The following RERE variants were observed in gnomAD, a reference collection of about 807,000 sequenced individuals.
RERE encodes arginine-glutamic acid dipeptide repeats protein.
In RERE, 40 loss-of-function variants were observed where a neutral mutation model predicts 146.1. That is an observed-to-expected ratio of 0.27 (90% CI 0.21 to 0.36). The LOEUF is 0.36. Among genes scored for constraint, RERE ranks in the 10% least tolerant of loss-of-function variants. The probability of loss-of-function intolerance (pLI) is 1.00; values close to 1 mark genes in which losing one functional copy is unlikely to be tolerated. For synonymous variants in RERE, 1,003 were observed against 866.0 expected (o/e 1.16, Z -2.78); for missense variants, 1,933 against 2,138.7 (o/e 0.90, Z 1.90).
At chr1:8,496,127 C>T (rs1168346632) in intron 9 of RERE, among the ~76,000 whole-genome samples, 1 of 146,132 alleles carries the variant, frequency 6.8e-6, no homozygotes, top group Non-Finnish European at 1.5e-5. Flanking sequence ...TATGCCACTG[C>T]ACTCCAGTGT....
At chr1:8,785,428 C>A (rs969651093) in intron 1 of RERE, among the ~76,000 whole-genome samples, 2 of 152,178 alleles carry the variant, frequency 1.3e-5, no homozygotes, top group Admixed American at 6.5e-5. Context: ...AATCAATGAC[C>A]ATTACAGAGG....
In RERE at chr1:8,396,330, A is replaced by C. The variant is rs561726912; in HGVS notation, c.1284+26397T>G. Among the ~76,000 whole-genome samples, 8 of 152,324 alleles carry C rather than the reference A, an allele frequency of 5.3e-5. No individual in the cohort carries two copies. The South Asian group carries it at 1.2e-3, about 24-fold the overall frequency. ...GATCAAGTTGAAGAACGTGACATGG[A>C]CATAATGTGAAGTACATGAAAACTC... On this transcript the variant is annotated intron_variant, in intron 12 of 22. Coordinates refer to ENST00000400908, the MANE Select transcript of RERE (RefSeq NM_001042681.2).
At chr1:8,588,342 C>A (rs138835223) in intron 4 of RERE, among the ~76,000 whole-genome samples, 2 of 152,144 alleles carry the variant, frequency 1.3e-5, no homozygotes, top group Non-Finnish European at 1.5e-5. Context: ...TTCAGAAACA[C>A]GTCTGACTTT....
At chr1:8,691,384 C>G (rs1356663357) in intron 1 of RERE, among the ~76,000 whole-genome samples, 1 of 152,076 alleles carries the variant, frequency 6.6e-6, no homozygotes, top group African/African-American at 2.4e-5. Context: ...GCCTTGGGAA[C>G]CCCTTTATAA....
intron 4 of RERE, among the ~76,000 whole-genome samples, chr1:8,609,852 C>T (rs79192164): frequency 0.03 from 4,522 of 152,180 alleles, 204 homozygotes; most frequent in African/African-American, 0.1. Flanking sequence ...CTATTAACAC[C>T]GGTTTGACTG....
chr1:8,655,950 G>C (rs1444432174), intron 2 of RERE, 23 bp downstream of exon 2: 4 of 1,605,456 alleles, frequency 2.5e-6, no homozygotes, highest in Non-Finnish European at 8.5e-7. Context: ...ACATTGGCAA[G>C]ACCCAAACGT....
At chr1:8,743,426 A>ATT (rs35763675) in intron 1 of RERE, among the ~76,000 whole-genome samples, 19 of 122,940 alleles carry the variant, frequency 1.5e-4, no homozygotes, top group South Asian at 5.6e-4. Flanking sequence ...CTACAGGCTA[A>ATT]TTTTTTTTTT....
At chr1:8,763,940 A>G (rs74792050) in intron 1 of RERE, among the ~76,000 whole-genome samples, 1 of 35,702 alleles carries the variant, frequency 2.8e-5, no homozygotes, top group African/African-American at 6.2e-5. Flanking sequence ...ACTCCGTCTA[A>G]AAAAAAAAAA....
At chr1:8,462,372 C>A (rs1324318073) in intron 11 of RERE, among the ~76,000 whole-genome samples, 4 of 152,186 alleles carry the variant, frequency 2.6e-5, no homozygotes, top group Non-Finnish European at 5.9e-5. Flanking sequence ...CAGAAGTCAG[C>A]ACGAGGAGGC....
chr1:8,691,591 C>T (rs776504278), intron 1 of RERE, among the ~76,000 whole-genome samples: 4 of 152,120 alleles, frequency 2.6e-5, no homozygotes, highest in Non-Finnish European at 5.9e-5. Context: ...CTACATAAAC[C>T]ATCTGCAATT....
intron 11 of RERE, among the ~76,000 whole-genome samples, chr1:8,443,361 C>T (rs1320936194): frequency 6.8e-6 from 1 of 146,356 alleles, no homozygotes; most frequent in Non-Finnish European, 1.5e-5. Flanking sequence ...ACCTGGGAGG[C>T]TGAGGCAGGA....
At chr1:8,421,492 T>A (rs552465855) in intron 12 of RERE, among the ~76,000 whole-genome samples, 69 of 152,334 alleles carry the variant, frequency 4.5e-4, no homozygotes, top group African/African-American at 1.6e-3. Context: ...ATTCTCAATA[T>A]GATCCATCCT....
chr1:8,795,989 AAAAAAAAAAC>A (rs1318355228), intron 1 of RERE, among the ~76,000 whole-genome samples: 3 of 150,674 alleles, frequency 2.0e-5, no homozygotes, highest in African/African-American at 7.3e-5. Flanking sequence ...TCTCAAAAAA[AAAAAAAAAAC>A]AAAACAAAAC....
chr1:8,673,223 G>A (rs2124378215), intron 1 of RERE, among the ~76,000 whole-genome samples: 1 of 152,296 alleles, frequency 6.6e-6, no homozygotes, highest in East Asian at 1.9e-4. Flanking sequence ...AGCCTATCAA[G>A]TAGCTGGGAT....
At chr1:8,599,649 GCCA>G (rs1326113908) in intron 4 of RERE, among the ~76,000 whole-genome samples, 1 of 152,106 alleles carries the variant, frequency 6.6e-6, no homozygotes, top group African/African-American at 2.4e-5. Context: ...ATCTCCCTGT[GCCA>G]CCAACAAATC....
chr1:8,646,153 T>A (rs1186772822), intron 2 of RERE, among the ~76,000 whole-genome samples: 1 of 149,926 alleles, frequency 6.7e-6, no homozygotes, highest in Non-Finnish European at 1.5e-5. Context: ...AAGCTCTTCC[T>A]GCCTGTTACA....
At chr1:8,425,584 G>C (rs1644000356) in intron 11 of RERE, 2 of 152,276 alleles carry the variant, frequency 1.3e-5, no homozygotes, top group South Asian at 4.1e-4. Context: ...GGTTACAGGG[G>C]ACAGTCTACA....
chr1:8,358,957 C>G, intron 19 of RERE, 41 bp from the exon 20 acceptor site: 1 of 1,498,972 alleles, frequency 6.7e-7, no homozygotes, highest in African/African-American at 1.4e-5. Context: ...CCCCGAGCGC[C>G]TGGGGTCTCC....
At chr1:8,596,480 A>G (rs1646556249) in intron 4 of RERE, among the ~76,000 whole-genome samples, 1 of 152,194 alleles carries the variant, frequency 6.6e-6, no homozygotes, top group Admixed American at 6.5e-5. Context: ...AGACAAACCT[A>G]GTCTGTAGGA....
Sources: gnomAD v4.1 joint callset for allele counts (sites outside exome capture counted in the v4.1 genomes callset) on GRCh38, gnomAD v4.1.1 for gene constraint, MANE v1.5 for transcripts, NCBI Gene and HGNC (gene_info 2026-07-23, HGNC 2026-07-21) for gene names.